RASA3: variants seen among roughly 807,000 people sequenced by gnomAD.
The protein encoded by RASA3 is ras GTPase-activating protein 3.
A neutral mutation model predicts 110.0 loss-of-function variants in RASA3; 73 were observed. That is an observed-to-expected ratio of 0.66 (90% CI 0.55 to 0.81). The LOEUF (loss-of-function observed/expected upper bound fraction) is 0.81. Among genes scored for constraint, RASA3 ranks in the 30% least tolerant of loss-of-function variants. RASA3 has a pLI of 0.00. For synonymous variants in RASA3, 500 were observed against 451.4 expected (o/e 1.11, Z -1.37); for missense variants, 976 against 1,113.2 (o/e 0.88, Z 1.75).
chr13:114,099,578 T>A (rs1186505934), intron 1 of RASA3, among the ~76,000 whole-genome samples: 1 of 147,250 alleles, frequency 6.8e-6, no homozygotes, highest in Non-Finnish European at 1.5e-5. Context: ...TGTTTAAAAC[T>A]GGCCCAAATG....
chr13:114,061,018 C>T (rs927479313), intron 2 of RASA3, among the ~76,000 whole-genome samples: 1 of 124,206 alleles, frequency 8.1e-6, no homozygotes, highest in Admixed American at 7.8e-5. Flanking sequence ...GCAGACGGAG[C>T]CCCCACAGCC....
intron 1 of RASA3, among the ~76,000 whole-genome samples, chr13:114,108,231 G>C (rs1470368786): frequency 1.2e-5 from 1 of 86,870 alleles, no homozygotes; most frequent in East Asian, 4.9e-4. Flanking sequence ...GTCACCCCGC[G>C]TCTGTCACCC....
chr13:114,023,105 C>T (rs2053959564), intron 8 of RASA3, among the ~76,000 whole-genome samples: 1 of 152,260 alleles, frequency 6.6e-6, no homozygotes. Context: ...GCACCGGCTC[C>T]ACGTGTCCCA....
At chr13:114,043,331 G>A (rs1468498183) in intron 3 of RASA3, among the ~76,000 whole-genome samples, 6 of 152,194 alleles carry the variant, frequency 3.9e-5, no homozygotes, top group Non-Finnish European at 7.4e-5. Context: ...CAGTGCTGCT[G>A]ACACCTGCCA....
At chr13:113,999,830 A>G (rs1486199085) in intron 19 of RASA3, among the ~76,000 whole-genome samples, 163 bp from the exon 20 acceptor site, 25 of 22,110 alleles carry the variant, frequency 1.1e-3, no homozygotes, top group African/African-American at 4.4e-3. Flanking sequence ...GGTCTCTGCC[A>G]GGGGGTCTCT....
chr13:114,110,413 G>A (rs1405876512), intron 1 of RASA3, among the ~76,000 whole-genome samples: 5 of 152,232 alleles, frequency 3.3e-5, no homozygotes, highest in African/African-American at 1.2e-4. Flanking sequence ...AAATCTCAGT[G>A]TCTGAAATAA....
Position 113,990,180 on chromosome 13 carries a change from G to A in RASA3, c.2245+2305C>T, listed in dbSNP as rs373680455. Among the ~76,000 whole-genome samples, 13 of 152,200 alleles carry A rather than the reference G, an allele frequency of 8.5e-5. No individual in the cohort carries two copies. In the East Asian group the frequency reaches 1.9e-3, roughly 23 times the overall value. On this transcript the variant is annotated intron_variant, in intron 22 of 23. Coordinates refer to ENST00000334062, the MANE Select transcript of RASA3 (RefSeq NM_007368.4). Reference sequence around the variant, plus strand: ...TGAGGCCTCCCCAACCATGCTTCCTGTACAGCCTGCAGAACTGTGAGTCAA... The same window carrying A: ...TGAGGCCTCCCCAACCATGCTTCCTATACAGCCTGCAGAACTGTGAGTCAA...
chr13:114,016,350 T>C (rs1457166830), intron 12 of RASA3, 79 bp from the exon 13 acceptor site: 6 of 1,072,462 alleles, frequency 5.6e-6, no homozygotes, highest in Non-Finnish European at 8.7e-6. Flanking sequence ...GTCTCAGGCC[T>C]GGCTGAGATG....
At chr13:114,095,999 A>G (rs147646027) in intron 1 of RASA3, among the ~76,000 whole-genome samples, 1 of 152,338 alleles carries the variant, frequency 6.6e-6, no homozygotes, top group Non-Finnish European at 1.5e-5. Flanking sequence ...AATCAACGTT[A>G]ATTTTTCACA....
intron 2 of RASA3, among the ~76,000 whole-genome samples, chr13:114,073,450 T>TGC (rs2079611582): frequency 6.7e-5 from 5 of 74,450 alleles, no homozygotes; most frequent in Admixed American, 1.5e-4. Context: ...TCCCTACACA[T>TGC]GGGAAAATGG....
At chr13:114,032,181 A>G (rs2054182142) in intron 4 of RASA3, among the ~76,000 whole-genome samples, 1 of 152,084 alleles carries the variant, frequency 6.6e-6, no homozygotes, top group South Asian at 2.1e-4. Context: ...AGATCTACCA[A>G]CACAGACCAC....
At chr13:114,034,808 AG>A (rs1355733963) in intron 4 of RASA3, among the ~76,000 whole-genome samples, 1 of 152,266 alleles carries the variant, frequency 6.6e-6, no homozygotes, top group Non-Finnish European at 1.5e-5. Context: ...CATCAAAATC[AG>A]TGGGATGAAG....
chr13:114,059,506 G>A (rs1028909074), intron 2 of RASA3, among the ~76,000 whole-genome samples: 3 of 152,248 alleles, frequency 2.0e-5, no homozygotes, highest in East Asian at 1.9e-4. Context: ...AGATGGGGAC[G>A]TCCACGTTTC....
intron 2 of RASA3, among the ~76,000 whole-genome samples, chr13:114,071,778 G>T (rs1017869605): frequency 6.6e-6 from 1 of 152,180 alleles, no homozygotes; most frequent in Non-Finnish European, 1.5e-5. Flanking sequence ...TGTCAGTGAC[G>T]GAGTGATATG....
Position 114,016,113 on chromosome 13 carries a change from G to A in RASA3, c.1281+84C>T, listed in dbSNP as rs144742897. 1.3e-3 allele frequency: 1,599 copies of A among 1,260,274 alleles called. 18 individuals carry two copies. In the African/African-American group the frequency reaches 0.021, roughly 16 times the overall value. The allele number at this position is 1,260,274 out of a possible 1,614,324, so 78.1% of individuals were successfully genotyped here. A position where few individuals can be genotyped will look rare whatever the true frequency, so the allele number is the denominator to read the frequency against. ...GCTCCCACCCCAACCGGGGTCACGG[G>A]GTGAGTCAGAGCTTCCAGGCAGCCA... On this transcript the variant is annotated intron_variant, in intron 13 of 23. Transcript: ENST00000334062.
chr13:114,030,114 C>T (rs1203262789), intron 4 of RASA3, among the ~76,000 whole-genome samples: 1 of 152,234 alleles, frequency 6.6e-6, no homozygotes, highest in Non-Finnish European at 1.5e-5. Context: ...CATGTGGCTG[C>T]CCAGGCTCCT....
At chr13:114,040,230 C>T (rs1298945150) in intron 4 of RASA3, among the ~76,000 whole-genome samples, 1 of 152,162 alleles carries the variant, frequency 6.6e-6, no homozygotes, top group Admixed American at 6.5e-5. Flanking sequence ...ATGCAAAATC[C>T]ATGACAGAGC....
intron 4 of RASA3, among the ~76,000 whole-genome samples, chr13:114,039,875 C>T (rs554025054): frequency 1.3e-5 from 2 of 152,338 alleles, no homozygotes; most frequent in Non-Finnish European, 2.9e-5. Flanking sequence ...AGTCAGCACA[C>T]AGTCCCGGCA....
At chr13:114,001,120 C>T (rs769467900) in intron 18 of RASA3, among the ~76,000 whole-genome samples, 188 bp from the exon 19 acceptor site, 1 of 152,230 alleles carries the variant, frequency 6.6e-6, no homozygotes, top group East Asian at 1.9e-4. Flanking sequence ...AAAAGTTGAG[C>T]GCTGACTGCT....
Sources: gnomAD v4.1 joint callset for allele counts (sites outside exome capture counted in the v4.1 genomes callset) on GRCh38, gnomAD v4.1.1 for gene constraint, MANE v1.5 for transcripts, NCBI Gene and HGNC (gene_info 2026-07-23, HGNC 2026-07-21) for gene names.